GAL3ST4: variants seen among roughly 807,000 people sequenced by gnomAD.
GAL3ST4 encodes the protein beta-galactose-3-O-sulfotransferase 4.
A neutral mutation model predicts 31.6 loss-of-function variants in GAL3ST4; 30 were observed. The observed-to-expected ratio is 0.95, with a 90% confidence interval of 0.71 to 1.29. The LOEUF (loss-of-function observed/expected upper bound fraction) is 1.29, where lower values mean the gene tolerates loss of function less well. Among genes scored for constraint, GAL3ST4 ranks in the 50% most tolerant of loss-of-function variants. The probability of loss-of-function intolerance (pLI) is 0.00; values close to 1 mark genes in which losing one functional copy is unlikely to be tolerated. For missense variants in GAL3ST4, 629 were observed against 625.2 expected (o/e 1.01, Z -0.06); for synonymous variants, 248 against 256.9 (o/e 0.97, Z 0.33).
chr7:100,160,688 T>C lies in GAL3ST4; in HGVS notation c.701A>G (p.Asp234Gly). The change falls in exon 4 of 4, where the codon GAC becomes GGC. Residue 234 changes from aspartate (D) to glycine (G), a missense_variant. Physicochemically the swap from Asp to Gly is moderately conservative, Grantham distance 94 (BLOSUM62 -1). Coordinates refer to ENST00000360039, the MANE Select transcript of GAL3ST4 (RefSeq NM_024637.5). ...GACCTGCAGCTGTGGGGGGTTGGGG[T>C]CTCTGGGGGGATGAATATTCCCTCT... is the stretch of plus-strand genomic sequence containing the variant. ...AKRGNIHPPRDPNPPQLQVLP... is the reference protein window; with the variant it reads ...AKRGNIHPPRGPNPPQLQVLP... The C allele has an allele frequency of 6.2e-7, 1 of 1,612,642 alleles. No homozygotes were observed. Among genetic ancestry groups the C allele is most frequent in the Non-Finnish European group, 8.5e-7 (1 of 1,179,144 alleles).
intron 3 of GAL3ST4, among the ~76,000 whole-genome samples, chr7:100,163,500 G>A (rs1584625265): frequency 6.6e-6 from 1 of 150,594 alleles, no homozygotes; most frequent in East Asian, 1.9e-4. Context: ...TTTTGAGGGG[G>A]AGGACAGGAA....
At chr7:100,165,697 T>C (rs1799060263) in intron 3 of GAL3ST4, among the ~76,000 whole-genome samples, 1 of 151,702 alleles carries the variant, frequency 6.6e-6, no homozygotes, top group African/African-American at 2.4e-5. Flanking sequence ...GGCATGCACC[T>C]GTAGTCCCAG....
chr7:100,161,103 CT>C (rs1369552992), intron 3 of GAL3ST4, 144 bp from the exon 4 acceptor site: 9 of 661,558 alleles, frequency 1.4e-5, no homozygotes, highest in African/African-American at 1.8e-5. Flanking sequence ...CCATCACTTG[CT>C]GAGTGGCAAG....
At chr7:100,167,449 C>T in intron 1 of GAL3ST4, 166 bp from the exon 2 acceptor site, 1 of 293,728 alleles carries the variant, frequency 3.4e-6, no homozygotes, top group Non-Finnish European at 6.5e-6. Flanking sequence ...TCTGCTCTAT[C>T]ACTTTCTTAT....
In GAL3ST4 at chr7:100,168,005, GAC is replaced by G. The variant is rs57521505; in HGVS notation, c.-189+539_-189+540del. On this transcript the variant is annotated intron_variant, in intron 1 of 3. Transcript: ENST00000360039. The surrounding 1 kb of genome is among the most constrained non-coding windows in gnomAD (Gnocchi z 4.1). ...GGAGAGGGAGACAGAAAGAGAGAGAGACACACACACACACACACACACACACA... is the reference window on the plus strand; with the variant it reads ...GGAGAGGGAGACAGAAAGAGAGAGAGACACACACACACACACACACACACA... 128 of 145,298 alleles carry G rather than the reference GAC, an allele frequency of 8.8e-4. No homozygotes were observed. Among genetic ancestry groups the G allele is most frequent in the South Asian group, 1.3e-3 (6 of 4,550 alleles). 9.0% of individuals were successfully genotyped at this position (145,298 alleles called of 1,614,324 possible).
chr7:100,165,065 G>A (rs1175030687), intron 3 of GAL3ST4, among the ~76,000 whole-genome samples: 1 of 151,902 alleles, frequency 6.6e-6, no homozygotes, highest in African/African-American at 2.4e-5. Flanking sequence ...TAGTAGAAAC[G>A]GGGTTTCACT....
chr7:100,161,801 G>GAAGCC, intron 3 of GAL3ST4, among the ~76,000 whole-genome samples: 1 of 152,286 alleles, frequency 6.6e-6, no homozygotes, highest in East Asian at 1.9e-4. Context: ...GATGAAGCTG[G>GAAGCC]AAGCCATCAT....
rs753282537 is a variant in GAL3ST4, at chr7:100,160,450, C to CA, written c.938dup (p.Leu314AlafsTer11). Reference sequence around the variant, plus strand: ...GACCCCAGCACAGGGCATCTGCCAGCAGAACCAATGACTCATCGAAGTACT... The same window carrying CA: ...GACCCCAGCACAGGGCATCTGCCAGCAAGAACCAATGACTCATCGAAGTACT... On this transcript the variant is annotated frameshift_variant, in exon 4 of 4. Transcript: ENST00000360039. LOFTEE classifies it high-confidence loss of function. 1 of 1,614,146 alleles carries CA rather than the reference C, an allele frequency of 6.2e-7. No individual in the cohort carries two copies. Among genetic ancestry groups the CA allele is most frequent in the South Asian group, 1.1e-5 (1 of 91,086 alleles).
chr7:100,167,091 C>A lies in GAL3ST4; in HGVS notation c.5G>T (p.Gly2Val). 1 of 1,554,068 alleles carries A rather than the reference C, an allele frequency of 6.4e-7. No homozygotes were observed. The highest frequency in any genetic ancestry group is 1.2e-5 in the South Asian group (1 of 84,192). Residue 2 changes from glycine to valine, a missense_variant, in exon 2 of 4, where the codon GGC (glycine) becomes GTC (valine). By Grantham distance (109) the Gly-to-Val change is moderately radical (BLOSUM62 -3). Coordinates refer to ENST00000360039, the MANE Select transcript of GAL3ST4 (RefSeq NM_024637.5). ...CAGCGTCCTGGCAGGAGAGAGAGGG[C>A]CCATGTGGCACAGGGAAGGGTGAGG... M[G>V]PLSPARTLRL...
intron 1 of GAL3ST4, chr7:100,167,694 G>T (rs1584627384): frequency 6.4e-6 from 1 of 156,006 alleles, no homozygotes; most frequent in African/African-American, 2.4e-5. Context: ...ACCAGGAAGG[G>T]AAGCCATACA....
chr7:100,166,774 C>T lies in GAL3ST4; in HGVS notation c.157G>A (p.Ala53Thr). The change falls in exon 3 of 4, where the codon GCC becomes ACC. Residue 53 changes from alanine to threonine, a missense_variant. By Grantham distance (58) the Ala-to-Thr change is moderately conservative (BLOSUM62 0). Transcript: ENST00000360039. The part of the protein sequence containing the change: ...LPGLQLRQPS[A>T]PSLRPALPSC... ...GGAAGGGCTGGTCGTAGGGATGGGG[C>T]CGAGGGCTGTCGGAGCTGTAGCCCA... 3.1e-6 allele frequency: 5 copies of T among 1,611,478 alleles called. No homozygotes were observed. The South Asian group carries it at 3.3e-5, about 11-fold the overall frequency.
Position 100,166,622 on chromosome 7 carries a change from G to T in GAL3ST4, c.309C>A (p.Tyr103Ter). The change falls in exon 3 of 4, where the codon TAC (tyrosine) becomes TAA (stop). Residue 103 changes from tyrosine (Y) to a stop codon, truncating the protein, a stop_gained. Coordinates refer to ENST00000360039, the MANE Select transcript of GAL3ST4 (RefSeq NM_024637.5). LOFTEE classifies it high-confidence loss of function. Reference protein sequence around the residue: ...HGLRFALPARYQFGYPKLFQA... With the variant: ...HGLRFALPAR ...GGAAGAGCTTTGGGTAGCCAAACTG[G>T]TAGCGGGCAGGGAGGGCGAAGCGCA... 6.2e-7 allele frequency: 1 copy of T among 1,614,224 alleles called. No individual in the cohort carries two copies. Among genetic ancestry groups the T allele is most frequent in the Non-Finnish European group, 8.5e-7 (1 of 1,180,036 alleles).
At position 100,160,632 on chromosome 7, in the gene GAL3ST4, T is replaced by A; in HGVS notation, c.757A>T (p.Thr253Ser). The A allele has an allele frequency of 6.2e-7, 1 of 1,613,426 alleles. No individual in the cohort carries two copies. The highest frequency in any genetic ancestry group is 8.5e-7 in the Non-Finnish European group (1 of 1,179,822). ...TGGATGAGGGCATTGGGATTGAGGG[T>A]TTGGGCTCGAGGGCCAGCACCAGAA... ...LPSGAGPRAQTLNPNALIHPV... is the reference protein window; with the variant it reads ...LPSGAGPRAQSLNPNALIHPV... The change falls in exon 4 of 4, where the codon ACC becomes TCC. Residue 253 changes from threonine to serine, a missense_variant. Transcript: ENST00000360039.
rs761771804 is a variant in GAL3ST4 at position 100,166,704 on chromosome 7, TTA to T, written c.225_226del (p.His75GlnfsTer40). ...GCTCAGCACAGAGCTGCTCCCGGAT[TTA>T]TGTGTCTTCAGGAACACCAGTCGCT... On this transcript the variant is annotated frameshift_variant, in exon 3 of 4. Coordinates refer to ENST00000360039, the MANE Select transcript of GAL3ST4 (RefSeq NM_024637.5). LOFTEE classifies it high-confidence loss of function. 1 of 1,614,084 alleles carries T rather than the reference TTA, an allele frequency of 6.2e-7. No homozygotes were observed. Among genetic ancestry groups the T allele is most frequent in the Non-Finnish European group, 8.5e-7 (1 of 1,179,990 alleles).
At position 100,165,173 on chromosome 7, in the gene GAL3ST4, CTTT is replaced by C. The variant is rs948502723; in HGVS notation, c.429+1326_429+1328del. Among the ~76,000 whole-genome samples the C allele has an allele frequency of 2.0e-4, 30 of 149,624 alleles. 1 individual carries two copies. In the South Asian group the frequency reaches 3.8e-3, roughly 19 times the overall value. On this transcript the variant is annotated intron_variant, in intron 3 of 3. Transcript: ENST00000360039. The stretch of plus-strand genomic sequence containing the variant: ...ACAGGCGTGAGCCACTGCGCCCGGC[CTTT>C]TTTTTCTTTTGTGAAATGGAGTCTC...
chr7:100,160,806 A>G lies in GAL3ST4; in HGVS notation c.583T>C (p.Phe195Leu). The change falls in exon 4 of 4, where the codon TTC becomes CTC. Residue 195 changes from phenylalanine to leucine, a missense_variant. Transcript: ENST00000360039. ...TCCCCACGGGCCCCAGGCCTGTAGA[A>G]GCCTCGAGGATTGGCCAGGAAGGCA... Reference protein sequence around the residue: ...LAAFLANPRGFYRPGARGDHY... With the variant: ...LAAFLANPRGLYRPGARGDHY... 2.5e-6 allele frequency: 4 copies of G among 1,614,204 alleles called. No homozygotes were observed. The highest frequency in any genetic ancestry group is 3.4e-6 in the Non-Finnish European group (4 of 1,180,018).
Position 100,160,017 on chromosome 7 carries a change from C to G in GAL3ST4, c.1372G>C (p.Glu458Gln). The change falls in exon 4 of 4, where the codon GAG (glutamate) becomes CAG (glutamine). Residue 458 changes from glutamate to glutamine, a missense_variant. Coordinates refer to ENST00000360039, the MANE Select transcript of GAL3ST4 (RefSeq NM_024637.5). ...QEECERLATP[E>Q]LQYKDKLDAK... ...TCCAGCTTGTCCTTGTACTGGAGCT[C>G]AGGGGTAGCTAGGCGCTCACATTCC... The G allele has an allele frequency of 1.2e-6, 2 of 1,613,954 alleles. No individual in the cohort carries two copies. Among genetic ancestry groups the G allele is most frequent in the Non-Finnish European group, 1.7e-6 (2 of 1,179,988 alleles).
chr7:100,163,486 T>G (rs1007309785), intron 3 of GAL3ST4, among the ~76,000 whole-genome samples: 4 of 152,154 alleles, frequency 2.6e-5, no homozygotes, highest in Admixed American at 2.6e-4. Flanking sequence ...TTTTTTTTTT[T>G]TTTTTTTGAG....
chr7:100,160,682 T>C lies in GAL3ST4; in HGVS notation c.707A>G (p.Asn236Ser). The change falls in exon 4 of 4, where the codon AAC becomes AGC. Residue 236 changes from asparagine (N) to serine (S), a missense_variant. Transcript: ENST00000360039. ...AGGCAAGACCTGCAGCTGTGGGGGG[T>C]TGGGGTCTCTGGGGGGATGAATATT... ...RGNIHPPRDPNPPQLQVLPSG... is the reference protein window; with the variant it reads ...RGNIHPPRDPSPPQLQVLPSG... 6.2e-7 allele frequency: 1 copy of C among 1,613,130 alleles called. No homozygotes were observed. Among genetic ancestry groups the C allele is most frequent in the Non-Finnish European group, 8.5e-7 (1 of 1,179,762 alleles).
Sources: allele counts gnomAD v4.1 joint callset (sites outside exome capture counted in the v4.1 genomes callset), GRCh38; gene constraint gnomAD v4.1.1; non-coding constraint Gnocchi (gnomAD v3.1); transcripts MANE v1.5; gene names NCBI Gene and HGNC (gene_info 2026-07-23, HGNC 2026-07-21).